Variants in IAPP observed in about 807,000 individuals in gnomAD.
The protein encoded by IAPP is Islet amyloid polypeptide (diabetes-associated peptide; amylin).
IAPP carries 4 observed loss-of-function variants against 2.9 expected under a neutral mutation model. The ratio of observed to expected loss-of-function variants is 1.39; its 90% CI spans 0.69 to 3.19. IAPP has a LOEUF of 3.19. IAPP is among the 30% of genes most tolerant of loss of function. The pLI, the probability that IAPP is intolerant of heterozygous loss-of-function variation, is 0.01. For missense variants in IAPP, 114 were observed against 105.3 expected (o/e 1.08, Z -0.36); for synonymous variants, 40 against 42.1 (o/e 0.95, Z 0.19).
At chr12:21,358,722 T>C (rs1938573716) in intron 1 of IAPP, among the ~76,000 whole-genome samples, 1 of 150,672 alleles carries the variant, frequency 6.6e-6, no homozygotes, top group Non-Finnish European at 1.5e-5. Context: ...TTGAAAAAAT[T>C]AAAAGAAAAA....
At chr12:21,373,949 T>C (rs12300126) in intron 2 of IAPP, among the ~76,000 whole-genome samples, 38,194 of 152,058 alleles carry the variant, frequency 0.25, 5,755 homozygotes, top group African/African-American at 0.43. Flanking sequence ...AGAAATGAAA[T>C]CTAAAAGAAG....
intron 1 of IAPP, among the ~76,000 whole-genome samples, chr12:21,366,097 T>C (rs1045684180): frequency 4.6e-5 from 7 of 152,254 alleles, no homozygotes; most frequent in African/African-American, 1.7e-4. Context: ...GACACATGCA[T>C]ACGTATGTTT....
chr12:21,375,767 A>T (rs1940149250), intron 2 of IAPP, among the ~76,000 whole-genome samples: 1 of 152,200 alleles, frequency 6.6e-6, no homozygotes, highest in Non-Finnish European at 1.5e-5. Flanking sequence ...GCAATTTAAG[A>T]GTTATACTTT....
chr12:21,365,558 G>A (rs1184548007), intron 1 of IAPP, among the ~76,000 whole-genome samples: 1 of 152,064 alleles, frequency 6.6e-6, no homozygotes, highest in Non-Finnish European at 1.5e-5. Context: ...GGAACTAATT[G>A]AACTAAAGAG....
At chr12:21,365,189 C>A (rs1939274984) in intron 1 of IAPP, among the ~76,000 whole-genome samples, 2 of 152,048 alleles carry the variant, frequency 1.3e-5, no homozygotes, top group African/African-American at 4.8e-5. Context: ...GTACTGGTAC[C>A]AAAACAGAGA....
chr12:21,366,150 A>T (rs1276657474), intron 1 of IAPP, among the ~76,000 whole-genome samples: 2 of 152,236 alleles, frequency 1.3e-5, no homozygotes, highest in Non-Finnish European at 2.9e-5. Context: ...GAACCAACCC[A>T]AATGTCCATC....
intron 1 of IAPP, among the ~76,000 whole-genome samples, chr12:21,364,086 C>T (rs1396703613): frequency 2.0e-5 from 3 of 152,038 alleles, no homozygotes; most frequent in African/African-American, 7.2e-5. Flanking sequence ...CTGGCAGAAA[C>T]ACAACAAAAA....
upstream of IAPP, among the ~76,000 whole-genome samples, chr12:21,371,860 T>C (rs1371220698): frequency 6.6e-6 from 1 of 151,642 alleles, no homozygotes; most frequent in African/African-American, 2.4e-5. Context: ...AAATTAGCCA[T>C]ACATGGTGAT....
At chr12:21,364,364 C>T (rs766957911) in intron 1 of IAPP, among the ~76,000 whole-genome samples, 1 of 152,148 alleles carries the variant, frequency 6.6e-6, no homozygotes, top group Non-Finnish European at 1.5e-5. Context: ...ATGCTGAAAA[C>T]TCTCAATAAA....
intron 1 of IAPP, among the ~76,000 whole-genome samples, chr12:21,356,198 G>T (rs905593561): frequency 6.6e-6 from 1 of 151,906 alleles, no homozygotes; most frequent in African/African-American, 2.4e-5. Context: ...TTAAATGATG[G>T]TTTATGTAAG....
rs1407561932 is a variant in IAPP, at chr12:21,378,548, C to CA, written c.*123dup. 2.6e-6 allele frequency: 2 copies of CA among 777,970 alleles called. No homozygotes were observed. The highest frequency in any genetic ancestry group is 4.4e-6 in the Non-Finnish European group (2 of 457,896). 48.2% of individuals were successfully genotyped at this position (777,970 alleles called of 1,614,324 possible). On this transcript the variant is annotated 3_prime_UTR_variant, in exon 3 of 3. Transcript: ENST00000240652. ...GTGTGTCTGATGTTTGTTGCTAGGA[C>CA]ATATACCTTCTCAAAAGATTGTTTT...
At chr12:21,371,456 T>A (rs138894755), upstream of IAPP, among the ~76,000 whole-genome samples, 291 of 152,286 alleles carry the variant, frequency 1.9e-3, 1 homozygote, top group African/African-American at 6.7e-3. Context: ...AATTGTAGAA[T>A]CATTGAATAA....
intron 1 of IAPP, among the ~76,000 whole-genome samples, chr12:21,359,005 C>T (rs1250595431): frequency 6.6e-6 from 1 of 152,174 alleles, no homozygotes; most frequent in Non-Finnish European, 1.5e-5. Flanking sequence ...GACTTATCTT[C>T]AGAATCCTAT....
At chr12:21,359,065 T>C (rs1938605805) in intron 1 of IAPP, among the ~76,000 whole-genome samples, 1 of 152,194 alleles carries the variant, frequency 6.6e-6, no homozygotes, top group African/African-American at 2.4e-5. Flanking sequence ...TACTCCAGTG[T>C]CCCTGCAAGT....
In IAPP at chr12:21,378,483, T is replaced by G; in HGVS notation, c.*57T>G. The G allele has an allele frequency of 7.1e-7, 1 of 1,402,164 alleles. No homozygotes were observed. The highest frequency in any genetic ancestry group is 1.0e-6 in the Non-Finnish European group (1 of 987,398). 86.9% of individuals were successfully genotyped at this position (1,402,164 alleles called of 1,614,324 possible). A position where few individuals can be genotyped will look rare whatever the true frequency, so the allele number is the denominator to read the frequency against. ...TGTTCTAGTGATTTCCTGTATAATT[T>G]AACAGTGCCCTTTTCATCTCCAGTG... is the stretch of plus-strand genomic sequence containing the variant. On this transcript the variant is annotated 3_prime_UTR_variant, in exon 3 of 3. Coordinates refer to ENST00000240652, the MANE Select transcript of IAPP (RefSeq NM_000415.3).
upstream of IAPP, among the ~76,000 whole-genome samples, chr12:21,369,249 C>G (rs1291458945): frequency 6.6e-6 from 1 of 152,088 alleles, no homozygotes; most frequent in Non-Finnish European, 1.5e-5. Flanking sequence ...CTCATTTCTT[C>G]CCTTTATTCA....
intron 2 of IAPP, chr12:21,373,879 T>A (rs948780454): frequency 1.6e-5 from 8 of 492,468 alleles, no homozygotes; most frequent in African/African-American, 1.2e-4. Context: ...TGTTAAAAAC[T>A]TTTACATCTT....
upstream of IAPP, among the ~76,000 whole-genome samples, chr12:21,371,778 G>A (rs190032305): frequency 1.2e-4 from 18 of 152,206 alleles, no homozygotes; most frequent in South Asian, 4.1e-4. Flanking sequence ...AGAAGTGGGC[G>A]GATCACCTGA....
chr12:21,375,740 GAC>G (rs969113978), intron 2 of IAPP, among the ~76,000 whole-genome samples: 4 of 152,210 alleles, frequency 2.6e-5, no homozygotes, highest in African/African-American at 9.6e-5. Flanking sequence ...ACTCTGGAGA[GAC>G]AATTTAAAAG....
Sources: allele counts gnomAD v4.1 joint callset (sites outside exome capture counted in the v4.1 genomes callset), GRCh38; gene constraint gnomAD v4.1.1; transcripts MANE v1.5; gene names NCBI Gene and HGNC (gene_info 2026-07-23, HGNC 2026-07-21).